The following FBN3 variants were observed in gnomAD, a reference collection of about 807,000 sequenced individuals.
The protein encoded by FBN3 is fibrillin-3.
FBN3 carries 234 observed loss-of-function variants against 330.1 expected under a neutral mutation model. The observed-to-expected ratio is 0.71, with a 90% CI of 0.64 to 0.79. FBN3 has a LOEUF of 0.79. Among genes scored for constraint, FBN3 ranks in the 30% least tolerant of loss-of-function variants. The pLI is 0.00. For missense variants in FBN3, 3,606 were observed against 3,886.9 expected (o/e 0.93, Z 1.92); for synonymous variants, 1,458 against 1,517.3 (o/e 0.96, Z 0.91).
chr19:8,090,170 C>T lies in FBN3; in HGVS notation c.6113G>A (p.Arg2038His), dbSNP rs773707233. 5 of 1,613,940 alleles carry T rather than the reference C, an allele frequency of 3.1e-6. No individual in the cohort carries two copies. The South Asian group carries it at 3.3e-5, about 11-fold the overall frequency. The change falls in exon 49 of 64, where the codon CGC becomes CAC. Residue 2038 changes from arginine to histidine, a missense_variant. Arg to His is a conservative substitution (Grantham distance 29). Coordinates refer to ENST00000600128, the MANE Select transcript of FBN3 (RefSeq NM_032447.5). ...CCCAGGCCTCTTACTGCAGCAGCAG[C>T]GGGTCTTGGTGGTGTTGAAAGCTTT... is the stretch of plus-strand genomic sequence containing the variant. ...VPKAFNTTKTRCCCSKRPGEG... is the reference protein window; with the variant it reads ...VPKAFNTTKTHCCCSKRPGEG...
chr19:8,139,609 T>A, intron 8 of FBN3, among the ~76,000 whole-genome samples: 1 of 151,506 alleles, frequency 6.6e-6, no homozygotes, highest in Admixed American at 6.6e-5. Context: ...GACTGTGAAT[T>A]TCAGAGAGGG....
At chr19:8,127,203 A>G (rs576278591) in intron 18 of FBN3, among the ~76,000 whole-genome samples, 1 of 151,872 alleles carries the variant, frequency 6.6e-6, no homozygotes, top group African/African-American at 2.4e-5. Flanking sequence ...GACTACAGGC[A>G]TGTGCCACCA....
intron 57 of FBN3, among the ~76,000 whole-genome samples, chr19:8,082,048 C>T (rs1168699954): frequency 6.6e-6 from 1 of 152,120 alleles, no homozygotes; most frequent in African/African-American, 2.4e-5. Flanking sequence ...ACTGCACCCT[C>T]CGCCTCCCAG....
Position 8,095,961 on chromosome 19 carries a change from C to T in FBN3, c.5656+3G>A, listed in dbSNP as rs1219411137. On this transcript the variant is annotated splice_donor_region_variant and intron_variant, in intron 45 of 63. Coordinates refer to ENST00000600128, the MANE Select transcript of FBN3 (RefSeq NM_032447.5). ...GGCCAGCCTGCCACCTGAGCCGACTCACCCACACAATCCCCATTGTGTGTC... is the reference window on the plus strand; with the variant it reads ...GGCCAGCCTGCCACCTGAGCCGACTTACCCACACAATCCCCATTGTGTGTC... 2 of 1,598,482 alleles carry T rather than the reference C, an allele frequency of 1.3e-6. No homozygotes were observed. The highest frequency in any genetic ancestry group is 1.7e-6 in the Non-Finnish European group (2 of 1,165,768).
rs2082376833 is a variant in FBN3 at position 8,103,641 on chromosome 19, G to C, written c.4860C>G (p.Thr1620=). Residue 1620 remains threonine, a synonymous_variant, in exon 39 of 64, where the codon ACC becomes ACG. Transcript: ENST00000600128. The part of the protein sequence containing the change: ...STHSGICGPG[T]CYNTLGNYTC... ...TGTAGTTCCCCAGGGTGTTGTAGCA[G>C]GTGCCAGGGCCACAGATGCCGGAGT... is the stretch of plus-strand genomic sequence containing the variant. 2 of 1,613,522 alleles carry C rather than the reference G, an allele frequency of 1.2e-6. No homozygotes were observed. Among genetic ancestry groups the C allele is most frequent in the Non-Finnish European group, 1.7e-6 (2 of 1,179,724 alleles).
chr19:8,085,125 C>T (rs1180478285), intron 56 of FBN3, among the ~76,000 whole-genome samples: 2 of 152,234 alleles, frequency 1.3e-5, no homozygotes, highest in Admixed American at 6.5e-5. Flanking sequence ...AGAACACATA[C>T]ACACACATTG....
chr19:8,091,693 C>T lies in FBN3; in HGVS notation c.5906-103G>A, dbSNP rs2082099131. 4 of 1,335,144 alleles carry T rather than the reference C, an allele frequency of 3.0e-6. No individual in the cohort carries two copies. In the South Asian group the frequency reaches 5.4e-5, roughly 18 times the overall value. The allele number at this position is 1,335,144 out of a possible 1,614,324, so 82.7% of individuals were successfully genotyped here. On this transcript the variant is annotated intron_variant, in intron 47 of 63. Coordinates refer to ENST00000600128, the MANE Select transcript of FBN3 (RefSeq NM_032447.5). ...GGGACAGATGGAGTGCAGGTCCAGC[C>T]AGGGGCTGCAGTGGGGCTGGGGTCC...
intron 46 of FBN3, among the ~76,000 whole-genome samples, chr19:8,094,925 C>T (rs765337352): frequency 6.6e-6 from 1 of 152,160 alleles, no homozygotes; most frequent in African/African-American, 2.4e-5. Context: ...ACACAACAAA[C>T]CCCATACATA....
intron 6 of FBN3, among the ~76,000 whole-genome samples, chr19:8,143,884 C>A (rs536059232): frequency 1.3e-5 from 2 of 151,458 alleles, no homozygotes; most frequent in East Asian, 3.9e-4. Flanking sequence ...GTGGCACCAC[C>A]ACGGCTCACT....
intron 14 of FBN3, among the ~76,000 whole-genome samples, chr19:8,132,560 C>T (rs541444761): frequency 9.2e-5 from 14 of 151,892 alleles, no homozygotes; most frequent in African/African-American, 3.4e-4. Context: ...GGCGCGATCT[C>T]GGCTCACTGC....
Position 8,065,738 on chromosome 19 carries a change from C to T in FBN3, c.*181G>A. Reference sequence around the variant, plus strand: ...AGGAAAGACTGAGTAACTGGGGGGCCCCCGGGGCTGGCACAGAGGCCCAGG... The same window carrying T: ...AGGAAAGACTGAGTAACTGGGGGGCTCCCGGGGCTGGCACAGAGGCCCAGG... On this transcript the variant is annotated 3_prime_UTR_variant, in exon 64 of 64. Coordinates refer to ENST00000600128, the MANE Select transcript of FBN3 (RefSeq NM_032447.5). 3.4e-6 allele frequency: 2 copies of T among 592,734 alleles called. No individual in the cohort carries two copies. The highest frequency in any genetic ancestry group is 2.9e-6 in the Non-Finnish European group (1 of 342,536). 36.7% of individuals were successfully genotyped at this position (592,734 alleles called of 1,614,324 possible).
At chr19:8,142,990 C>T (rs909067036) in intron 6 of FBN3, among the ~76,000 whole-genome samples, 1 of 152,006 alleles carries the variant, frequency 6.6e-6, no homozygotes, top group African/African-American at 2.4e-5. Context: ...AGCTTCTAGT[C>T]CCCGGGTCGT....
At chr19:8,086,136 G>C (rs2081950793) in intron 55 of FBN3, 64 bp downstream of exon 55, 1 of 1,179,794 alleles carries the variant, frequency 8.5e-7, no homozygotes, top group Non-Finnish European at 1.2e-6. Flanking sequence ...CAGTGGGGGG[G>C]GACAGGCAGT....
At chr19:8,117,684 C>T in intron 26 of FBN3, 95 bp from the exon 27 acceptor site, 2 of 1,385,246 alleles carry the variant, frequency 1.4e-6, no homozygotes, top group South Asian at 1.5e-5. Flanking sequence ...TGCTAAGGAG[C>T]TCACACTGCC....
Position 8,131,564 on chromosome 19 carries a change from G to T in FBN3, c.1980C>A (p.Ala660=). 6.2e-7 allele frequency: 1 copy of T among 1,607,334 alleles called. No homozygotes were observed. Among genetic ancestry groups the T allele is most frequent in the Non-Finnish European group, 8.5e-7 (1 of 1,175,284 alleles). ...GFGEPCQLCP[A]KDSAEFQALC... Reference sequence around the variant, plus strand: ...CAGCCGGATGCTCACCGGAGTCTTTGGCAGGACAAAGCTGGCAGGGCTCCC... The same window carrying T: ...CAGCCGGATGCTCACCGGAGTCTTTTGCAGGACAAAGCTGGCAGGGCTCCC... The change falls in exon 15 of 64, where the codon GCC becomes GCA. Residue 660 remains alanine (A), a synonymous_variant. Transcript: ENST00000600128. The surrounding 1 kb of genome is among the most constrained non-coding windows in gnomAD (Gnocchi z 4.5).
rs774468372 is a variant in FBN3, at chr19:8,102,866, C to T, written c.4947G>A (p.Arg1649=). ...TATAGTGCCGGAAGCAGACACTCTTCCTCATATCTGTAGTTGGCACAAAGG... is the reference window on the plus strand; with the variant it reads ...TATAGTGCCGGAAGCAGACACTCTTTCTCATATCTGTAGTTGGCACAAAGG... ...VNGGNNCMDM[R]KSVCFRHYNG... The change falls in exon 40 of 64, where the codon AGG becomes AGA. Residue 1649 remains arginine, a synonymous_variant. Transcript: ENST00000600128. 6 of 1,614,136 alleles carry T rather than the reference C, an allele frequency of 3.7e-6. No homozygotes were observed. The highest frequency in any genetic ancestry group is 5.1e-6 in the Non-Finnish European group (6 of 1,180,004).
Position 8,075,254 on chromosome 19 carries a change from A to G in FBN3, c.7582+29T>C, listed in dbSNP as rs1409147529. The G allele has an allele frequency of 3.8e-6, 6 of 1,599,546 alleles. No homozygotes were observed. The South Asian group carries it at 5.6e-5, about 15-fold the overall frequency. On this transcript the variant is annotated intron_variant, in intron 60 of 63. Transcript: ENST00000600128. ...GCTCTCAGGACCAACACCCCCAAAC[A>G]CTAGACCCCAGCCAAAGCTGGGCTG... is the stretch of plus-strand genomic sequence containing the variant.
rs201449200 is a variant in FBN3, at chr19:8,136,094, G to A, written c.1466-8C>T. ...CAATGCACTCGTCCACATCTGCGGG[G>A]AAGGCAGGCGGGCAGTCAAGAGGTG... On this transcript the variant is annotated splice_region_variant and splice_polypyrimidine_tract_variant and intron_variant, in intron 12 of 63. Coordinates refer to ENST00000600128, the MANE Select transcript of FBN3 (RefSeq NM_032447.5). The A allele has an allele frequency of 4.8e-3, 7,696 of 1,613,666 alleles. 22 individuals carry two copies. The highest frequency in any genetic ancestry group is 6.0e-3 in the Non-Finnish European group (7,082 of 1,179,720).
chr19:8,076,408 T>C (rs1483308876), intron 59 of FBN3, among the ~76,000 whole-genome samples: 3 of 152,062 alleles, frequency 2.0e-5, no homozygotes, highest in Non-Finnish European at 4.4e-5. Flanking sequence ...CTAGGGAGCC[T>C]CCGGATCACC....
Sources: gnomAD v4.1 joint callset for allele counts (sites outside exome capture counted in the v4.1 genomes callset) on GRCh38, gnomAD v4.1.1 for gene constraint, Gnocchi (gnomAD v3.1) non-coding constraint, MANE v1.5 for transcripts, NCBI Gene and HGNC (gene_info 2026-07-23, HGNC 2026-07-21) for gene names.